PLCL1: variants seen among roughly 807,000 people sequenced by gnomAD.
PLCL1 encodes the protein inactive phospholipase C-like protein 1.
A neutral mutation model predicts 84.4 loss-of-function variants in PLCL1; 41 were observed. That is an observed-to-expected ratio of 0.49 (90% confidence interval 0.38 to 0.63). The LOEUF (loss-of-function observed/expected upper bound fraction) is 0.63. Ranked by LOEUF, PLCL1 falls within the 30% of genes least tolerant of loss-of-function variation. PLCL1 has a pLI of 0.00. For synonymous variants in PLCL1, 490 were observed against 488.3 expected (o/e 1.00, Z -0.05); for missense variants, 1,206 against 1,367.8 (o/e 0.88, Z 1.87).
At chr2:197,812,227 T>C (rs183423739) in intron 1 of PLCL1, among the ~76,000 whole-genome samples, 157 of 152,346 alleles carry the variant, frequency 1.0e-3, no homozygotes, top group African/African-American at 3.5e-3. Flanking sequence ...GGTGAGATGA[T>C]TCCATGTTTT....
At chr2:197,957,817 A>G (rs1689522343) in intron 1 of PLCL1, among the ~76,000 whole-genome samples, 1 of 151,952 alleles carries the variant, frequency 6.6e-6, no homozygotes, top group Non-Finnish European at 1.5e-5. Context: ...TCCAAAGTTA[A>G]ATTCTGTGAT....
intron 1 of PLCL1, among the ~76,000 whole-genome samples, chr2:197,983,051 G>A (rs1415807774): frequency 6.6e-6 from 1 of 151,776 alleles, no homozygotes; most frequent in Non-Finnish European, 1.5e-5. Flanking sequence ...TTCATTATTT[G>A]TAAAATGCAT....
At chr2:197,994,874 T>G (rs775850113) in intron 1 of PLCL1, among the ~76,000 whole-genome samples, 12 of 152,202 alleles carry the variant, frequency 7.9e-5, no homozygotes, top group Non-Finnish European at 1.5e-4. Flanking sequence ...AAAGCAGACG[T>G]GTCCTAGGCA....
At chr2:198,004,722 A>G (rs568312538) in intron 1 of PLCL1, among the ~76,000 whole-genome samples, 3 of 152,330 alleles carry the variant, frequency 2.0e-5, no homozygotes, top group Admixed American at 2.0e-4. Flanking sequence ...AAATATTCCA[A>G]CATTGAAAAC....
At chr2:197,923,555 C>T (rs1242851813) in intron 1 of PLCL1, among the ~76,000 whole-genome samples, 102 of 136,916 alleles carry the variant, frequency 7.4e-4, no homozygotes, top group African/African-American at 2.4e-3. Context: ...ACATCTCAGA[C>T]GATGGGCGGC....
At chr2:198,043,253 A>T (rs926754266) in intron 1 of PLCL1, among the ~76,000 whole-genome samples, 1 of 152,260 alleles carries the variant, frequency 6.6e-6, no homozygotes, top group African/African-American at 2.4e-5. Flanking sequence ...GTATAAACAC[A>T]CAGAGAAAGT....
At chr2:198,090,531 C>A (rs756463153) in intron 3 of PLCL1, among the ~76,000 whole-genome samples, 1 of 152,010 alleles carries the variant, frequency 6.6e-6, no homozygotes, top group Non-Finnish European at 1.5e-5. Context: ...AAACATTCTA[C>A]GAATGAAAAA....
At chr2:197,841,765 T>A (rs1687007730) in intron 1 of PLCL1, among the ~76,000 whole-genome samples, 1 of 152,182 alleles carries the variant, frequency 6.6e-6, no homozygotes, top group East Asian at 1.9e-4. Context: ...GGTAAGGACA[T>A]GTTTAGTTTT....
rs1422668185 is a variant in PLCL1 at position 198,089,075 on chromosome 2, A to G, written c.2919+14A>G. 1 of 1,601,886 alleles carries G rather than the reference A, an allele frequency of 6.2e-7. No homozygotes were observed. The highest frequency in any genetic ancestry group is 8.6e-7 in the Non-Finnish European group (1 of 1,169,410). Reference sequence around the variant, plus strand: ...GCTTATGATCTGGTAGGAAATTGCGACTCCATATTTTTTTACGTGTGTGTG... The same window carrying G: ...GCTTATGATCTGGTAGGAAATTGCGGCTCCATATTTTTTTACGTGTGTGTG... On this transcript the variant is annotated intron_variant, in intron 3 of 5. Coordinates refer to ENST00000428675, the MANE Select transcript of PLCL1 (RefSeq NM_006226.4).
At chr2:198,026,255 CT>C (rs1691262520) in intron 1 of PLCL1, among the ~76,000 whole-genome samples, 1 of 152,098 alleles carries the variant, frequency 6.6e-6, no homozygotes, top group Non-Finnish European at 1.5e-5. Context: ...TTTCTTAGAG[CT>C]TTTAGTAACT....
At chr2:198,060,701 A>G (rs1692175587) in intron 1 of PLCL1, among the ~76,000 whole-genome samples, 1 of 152,184 alleles carries the variant, frequency 6.6e-6, no homozygotes, top group Non-Finnish European at 1.5e-5. Flanking sequence ...GTTCAAATTT[A>G]TGTTTTGAAA....
intron 1 of PLCL1, among the ~76,000 whole-genome samples, chr2:197,927,697 A>G (rs1365698077): frequency 6.6e-6 from 1 of 152,176 alleles, no homozygotes; most frequent in East Asian, 1.9e-4. Context: ...ACTTGGGAGG[A>G]GGGATCCTAT....
intron 3 of PLCL1, among the ~76,000 whole-genome samples, chr2:198,097,464 A>G (rs1409157923): frequency 6.6e-6 from 1 of 152,184 alleles, no homozygotes; most frequent in Non-Finnish European, 1.5e-5. Flanking sequence ...GGTTAAAGGT[A>G]GTAAGGTAGT....
intron 1 of PLCL1, among the ~76,000 whole-genome samples, chr2:198,036,758 G>C (rs1169109740): frequency 2.6e-5 from 4 of 152,152 alleles, no homozygotes; most frequent in African/African-American, 9.7e-5. Flanking sequence ...AAGCAAGCCA[G>C]ACAAAATTCT....
chr2:197,994,106 C>T (rs549280669), intron 1 of PLCL1, among the ~76,000 whole-genome samples: 1 of 152,300 alleles, frequency 6.6e-6, no homozygotes, highest in Non-Finnish European at 1.5e-5. Context: ...AAGCTCCTTA[C>T]TCTAGGCTTG....
chr2:197,984,176 A>G lies in PLCL1; in HGVS notation c.241-99582A>G, dbSNP rs1468879752. ...TTTCCAATTTCTTGAAATTCTAAAC[A>G]TGTTTTAATGGTTTGTTTCAACATG... On this transcript the variant is annotated intron_variant, in intron 1 of 5. Coordinates refer to ENST00000428675, the MANE Select transcript of PLCL1 (RefSeq NM_006226.4). Among the ~76,000 whole-genome samples the G allele has an allele frequency of 2.0e-5, 3 of 152,336 alleles. No homozygotes were observed. In the East Asian group the frequency reaches 5.8e-4, roughly 29 times the overall value.
At chr2:197,994,441 T>C (rs978617365) in intron 1 of PLCL1, among the ~76,000 whole-genome samples, 5 of 152,170 alleles carry the variant, frequency 3.3e-5, no homozygotes, top group Non-Finnish European at 5.9e-5. Flanking sequence ...TATAAACACA[T>C]TTTTAAGAAA....
chr2:197,998,173 C>CTGTGTGTG (rs1332006979), intron 1 of PLCL1, among the ~76,000 whole-genome samples: 9 of 77,432 alleles, frequency 1.2e-4, no homozygotes, highest in South Asian at 5.6e-4. Context: ...AAGAATGGAG[C>CTGTGTGTG]TATGTGTGTG....
chr2:197,965,424 G>C (rs141634093), intron 1 of PLCL1, among the ~76,000 whole-genome samples: 201 of 152,132 alleles, frequency 1.3e-3, no homozygotes, highest in African/African-American at 4.3e-3. Context: ...TAACATCTCT[G>C]ATTTTATTTA....
Sources: allele counts gnomAD v4.1 joint callset (sites outside exome capture counted in the v4.1 genomes callset), GRCh38; gene constraint gnomAD v4.1.1; transcripts MANE v1.5; gene names NCBI Gene and HGNC (gene_info 2026-07-23, HGNC 2026-07-21).